The following CAMTA1 variants were observed in gnomAD, a reference collection of about 807,000 sequenced individuals.
CAMTA1 encodes the protein calmodulin binding transcription activator 1.
Under a neutral mutation model 170.9 loss-of-function variants are expected in CAMTA1, and 27 were observed. The observed-to-expected ratio is 0.16, with a 90% CI of 0.12 to 0.22. CAMTA1 has a LOEUF of 0.22. CAMTA1 is among the 10% of genes least tolerant of loss of function. The pLI, the probability that CAMTA1 is intolerant of heterozygous loss-of-function variation, is 1.00. For synonymous variants in CAMTA1, 833 were observed against 891.5 expected, an observed-to-expected ratio of 0.93 and a Z score of 1.17; for missense variants, 1,619 against 2,217.2, an observed-to-expected ratio of 0.73 and a Z score of 5.42.
At chr1:7,088,025 A>T (rs1640975102) in intron 3 of CAMTA1, among the ~76,000 whole-genome samples, 1 of 152,194 alleles carries the variant, frequency 6.6e-6, no homozygotes, top group African/African-American at 2.4e-5. Flanking sequence ...TGGGCTGGGA[A>T]GGCTGGGCAA....
At chr1:7,383,063 C>T (rs1390435878) in intron 5 of CAMTA1, among the ~76,000 whole-genome samples, 2 of 152,136 alleles carry the variant, frequency 1.3e-5, no homozygotes, top group Admixed American at 6.5e-5. Flanking sequence ...TGGAGCTTAG[C>T]GTTCTATGTG....
At chr1:6,794,148 G>T (rs1378020846) in intron 1 of CAMTA1, among the ~76,000 whole-genome samples, 3 of 152,182 alleles carry the variant, frequency 2.0e-5, no homozygotes, top group Admixed American at 1.3e-4. Flanking sequence ...TATAAAGAAT[G>T]CTCCCCAAAA....
At chr1:7,666,899 T>C (rs896546551) in intron 9 of CAMTA1, among the ~76,000 whole-genome samples, 1 of 152,014 alleles carries the variant, frequency 6.6e-6, no homozygotes, top group African/African-American at 2.4e-5. Flanking sequence ...TGTTTTGTTT[T>C]GTTTTTGAGA....
chr1:7,405,545 AT>A (rs35751150), intron 5 of CAMTA1, among the ~76,000 whole-genome samples: 93,947 of 151,340 alleles, frequency 0.62, 30,714 homozygotes, highest in Middle Eastern at 0.73. Context: ...TAATTTTTGT[AT>A]TTTTTTTTAG....
intron 6 of CAMTA1, among the ~76,000 whole-genome samples, chr1:7,514,183 C>G (rs1485685363): frequency 1.3e-5 from 2 of 152,232 alleles, no homozygotes; most frequent in African/African-American, 4.8e-5. Context: ...ACATCTGGCT[C>G]AGATCTCCAT....
intron 4 of CAMTA1, among the ~76,000 whole-genome samples, chr1:7,122,993 C>T (rs1479106532): frequency 6.6e-6 from 1 of 152,176 alleles, no homozygotes; most frequent in Non-Finnish European, 1.5e-5. Flanking sequence ...GGAGGACTCC[C>T]AGCTCTTCTG....
intron 4 of CAMTA1, among the ~76,000 whole-genome samples, chr1:7,162,950 C>T (rs532916220): frequency 6.6e-6 from 1 of 152,194 alleles, no homozygotes; most frequent in East Asian, 1.9e-4. Flanking sequence ...AACGTTTTGG[C>T]AGTTCCAGAT....
At chr1:7,381,442 A>G (rs931051714) in intron 5 of CAMTA1, among the ~76,000 whole-genome samples, 3 of 151,678 alleles carry the variant, frequency 2.0e-5, no homozygotes, top group African/African-American at 7.3e-5. Context: ...ACTGAGAATG[A>G]TGATTTCCAA....
Position 7,093,037 on chromosome 1 carries a change from G to A in CAMTA1, c.302+1666G>A, listed in dbSNP as rs895801004. Among the ~76,000 whole-genome samples the A allele has an allele frequency of 9.2e-5, 14 of 152,230 alleles. No individual in the cohort carries two copies. The highest frequency in any genetic ancestry group is 3.4e-4 in the African/African-American group (14 of 41,460). ...CCACAGAGTGGGGGCAGGGGTGGGC[G>A]GTGGAGAGGATGGGAATACAGTGCA... On this transcript the variant is annotated intron_variant, in intron 4 of 22. Transcript: ENST00000303635. This position sits in a 1 kb window ranked among gnomAD's most constrained non-coding sequence, Gnocchi z 4.6.
intron 4 of CAMTA1, among the ~76,000 whole-genome samples, chr1:7,122,052 G>A: frequency 6.6e-6 from 1 of 151,994 alleles, no homozygotes; most frequent in East Asian, 1.9e-4. Context: ...AGCAGGGATG[G>A]GCTTGAGGCT....
At chr1:7,473,415 A>AAGG (rs777250604) in intron 6 of CAMTA1, among the ~76,000 whole-genome samples, 23 of 152,260 alleles carry the variant, frequency 1.5e-4, no homozygotes, top group Non-Finnish European at 2.8e-4. Context: ...GGGCTCCCCC[A>AAGG]AGGAGGAGGA....
intron 3 of CAMTA1, among the ~76,000 whole-genome samples, chr1:6,849,247 T>C (rs1358119241): frequency 6.6e-6 from 1 of 152,180 alleles, no homozygotes; most frequent in African/African-American, 2.4e-5. Flanking sequence ...ACATACTGTA[T>C]TTTCATTTGT....
chr1:6,969,639 G>C (rs1270404114), intron 3 of CAMTA1, among the ~76,000 whole-genome samples: 2 of 152,160 alleles, frequency 1.3e-5, no homozygotes, highest in Admixed American at 1.3e-4. Context: ...ACCTACCTTT[G>C]GGGTTTCTTT....
chr1:7,644,986 A>G (rs1016260535), intron 7 of CAMTA1, among the ~76,000 whole-genome samples: 2 of 152,226 alleles, frequency 1.3e-5, no homozygotes, highest in Non-Finnish European at 2.9e-5. Flanking sequence ...TGGAGTTTAC[A>G]GTACGCAAGT....
At chr1:7,425,776 T>G (rs1299049050) in intron 5 of CAMTA1, among the ~76,000 whole-genome samples, 5 of 151,906 alleles carry the variant, frequency 3.3e-5, no homozygotes, top group African/African-American at 1.2e-4. Context: ...GAGCACCCCT[T>G]CCCACTTGCT....
At chr1:7,128,370 A>G (rs1285283183) in intron 4 of CAMTA1, among the ~76,000 whole-genome samples, 1 of 152,174 alleles carries the variant, frequency 6.6e-6, no homozygotes, top group African/African-American at 2.4e-5. Flanking sequence ...ACGGGTGGCC[A>G]GGGAAGGCCT....
intron 11 of CAMTA1, among the ~76,000 whole-genome samples, chr1:7,690,961 G>A (rs547900211): frequency 1.7e-4 from 26 of 152,346 alleles, no homozygotes; most frequent in East Asian, 5.8e-4. Context: ...TGGAGTACCC[G>A]TTAGGTGCCA....
rs1674618168 is a variant in CAMTA1 at position 7,300,636 on chromosome 1, C to T, written c.438+51010C>T. ...AGGTTGCAGTGAGCCAAGATGGTGCCACTGCACTCCAGCCTGGACAACAAA... is the reference window on the plus strand; with the variant it reads ...AGGTTGCAGTGAGCCAAGATGGTGCTACTGCACTCCAGCCTGGACAACAAA... On this transcript the variant is annotated intron_variant, in intron 5 of 22. Transcript: ENST00000303635. The surrounding 1 kb of genome is among the most constrained non-coding windows in gnomAD (Gnocchi z 4.1). Among the ~76,000 whole-genome samples the T allele has an allele frequency of 6.6e-6, 1 of 151,806 alleles. No individual in the cohort carries two copies. Among genetic ancestry groups the T allele is most frequent in the Non-Finnish European group, 1.5e-5 (1 of 68,004 alleles).
intron 3 of CAMTA1, among the ~76,000 whole-genome samples, chr1:7,015,770 A>C (rs1208869122): frequency 1.3e-5 from 2 of 150,874 alleles, no homozygotes; most frequent in Admixed American, 1.3e-4. Flanking sequence ...GGGAGGCCTC[A>C]GGAAACTTAG....
Sources: gnomAD v4.1 joint callset for allele counts (sites outside exome capture counted in the v4.1 genomes callset) on GRCh38, gnomAD v4.1.1 for gene constraint, Gnocchi (gnomAD v3.1) non-coding constraint, MANE v1.5 for transcripts, NCBI Gene and HGNC (gene_info 2026-07-23, HGNC 2026-07-21) for gene names.